Variants in LINGO1 observed in about 807,000 individuals in gnomAD.
The protein encoded by LINGO1 is leucine-rich repeat and immunoglobulin-like domain-containing nogo receptor-interacting protein 1.
LINGO1 carries 11 observed loss-of-function variants against 37.3 expected under a neutral mutation model. The ratio of observed to expected loss-of-function variants is 0.29; its 90% CI spans 0.19 to 0.49. The LOEUF (loss-of-function observed/expected upper bound fraction) is 0.49, where lower values mean the gene tolerates loss of function less well. LINGO1 is among the 20% of genes least tolerant of loss of function. The probability of loss-of-function intolerance (pLI) is 0.99; values close to 1 mark genes in which losing one functional copy is unlikely to be tolerated. For missense variants in LINGO1, 585 were observed against 878.2 expected, an observed-to-expected ratio of 0.67 and a Z score of 4.22; for synonymous variants, 387 against 403.0, an observed-to-expected ratio of 0.96 and a Z score of 0.48.
intron 2 of LINGO1, among the ~76,000 whole-genome samples, chr15:77,725,495 C>T (rs961598742): frequency 6.6e-6 from 1 of 152,106 alleles, no homozygotes; most frequent in Admixed American, 6.5e-5. Flanking sequence ...CCCTGGTGGT[C>T]GAGGCTGCAG....
At chr15:77,754,663 T>C (rs972509020) in intron 1 of LINGO1, among the ~76,000 whole-genome samples, 1 of 152,230 alleles carries the variant, frequency 6.6e-6, no homozygotes, top group Non-Finnish European at 1.5e-5. Flanking sequence ...GGTGGGGCTC[T>C]GAGAAGGAAG....
intron 3 of LINGO1, among the ~76,000 whole-genome samples, chr15:77,663,486 G>A (rs553456036): frequency 6.6e-6 from 1 of 152,298 alleles, no homozygotes; most frequent in East Asian, 1.9e-4. Context: ...TAGGGGACCC[G>A]TTTAACCACT....
intron 2 of LINGO1, among the ~76,000 whole-genome samples, chr15:77,682,384 G>A (rs777442546): frequency 2.6e-5 from 4 of 151,122 alleles, no homozygotes; most frequent in African/African-American, 4.9e-5. Context: ...ACGGGGCCAC[G>A]GTACAGTGGC....
chr15:77,789,999 T>C (rs1463909192), upstream of LINGO1, among the ~76,000 whole-genome samples: 1 of 152,100 alleles, frequency 6.6e-6, no homozygotes, highest in African/African-American at 2.4e-5. Flanking sequence ...CTCAAACTCC[T>C]GGGCTCAAGC....
chr15:77,726,505 G>C (rs11072667), intron 2 of LINGO1, among the ~76,000 whole-genome samples: 5,682 of 152,342 alleles, frequency 0.037, 379 homozygotes, highest in African/African-American at 0.13. Context: ...TGAGCTTGCA[G>C]TTGCTACGGC....
intron 1 of LINGO1, among the ~76,000 whole-genome samples, chr15:77,786,700 T>A (rs2076774683): frequency 6.6e-6 from 1 of 152,144 alleles, no homozygotes; most frequent in African/African-American, 2.4e-5. Flanking sequence ...TGGCAACTAC[T>A]GGGGCAGCCT....
intron 3 of LINGO1, among the ~76,000 whole-genome samples, chr15:77,645,608 G>C (rs2074608082): frequency 6.6e-6 from 1 of 152,250 alleles, no homozygotes; most frequent in African/African-American, 2.4e-5. Flanking sequence ...CCCTAGGCCA[G>C]TGGGTCTCTG....
intron 2 of LINGO1, among the ~76,000 whole-genome samples, chr15:77,724,495 C>G (rs1015407822): frequency 6.6e-6 from 1 of 152,210 alleles, no homozygotes; most frequent in Non-Finnish European, 1.5e-5. Context: ...TCTGTGTCCC[C>G]GTTGTTGAGA....
intron 3 of LINGO1, among the ~76,000 whole-genome samples, chr15:77,664,170 T>TGCGCGCGCGTGC (rs1555527606): frequency 2.3e-5 from 3 of 130,944 alleles, no homozygotes; most frequent in Non-Finnish European, 4.6e-5. Context: ...TGTGTGTGTG[T>TGCGCGCGCGTGC]GCGCGCGCGC....
At chr15:77,647,910 T>C in intron 3 of LINGO1, 1 of 456,660 alleles carries the variant, frequency 2.2e-6, no homozygotes, top group South Asian at 1.5e-5. Flanking sequence ...ACGTTGCACA[T>C]TCCCCTTCTC....
At chr15:77,716,404 G>A (rs558883431) in intron 2 of LINGO1, among the ~76,000 whole-genome samples, 1 of 146,630 alleles carries the variant, frequency 6.8e-6, no homozygotes, top group South Asian at 2.3e-4. Context: ...TCCAAGCCTC[G>A]CAAGTAGCTA....
intron 3 of LINGO1, among the ~76,000 whole-genome samples, chr15:77,655,738 C>T (rs763963509): frequency 1.3e-5 from 2 of 152,226 alleles, no homozygotes; most frequent in African/African-American, 2.4e-5. Flanking sequence ...ACACCCAGGT[C>T]TGTCTACCCC....
rs141129663 is a variant in LINGO1 at position 77,615,109 on chromosome 15, C to T, written c.798G>A (p.Thr266=). 3.1e-5 allele frequency: 50 copies of T among 1,613,972 alleles called. No homozygotes were observed. Among genetic ancestry groups the T allele is most frequent in the Middle Eastern group, 1.6e-4 (1 of 6,062 alleles). ...GATTGCAGTGTGTGATGGACAGGGA[C>T]GTCAGGTTGAGGCCGTAGAGGCAGT... The part of the protein sequence containing the change: ...TPNCLYGLNL[T]SLSITHCNLT... The change falls in exon 2 of 2, where the codon ACG becomes ACA. Residue 266 remains threonine (T), a synonymous_variant. Coordinates refer to ENST00000355300, the MANE Select transcript of LINGO1 (RefSeq NM_032808.7).
chr15:77,816,558 G>A (rs945686561), intron 1 of LINGO1, among the ~76,000 whole-genome samples: 2 of 152,312 alleles, frequency 1.3e-5, no homozygotes, highest in Middle Eastern at 3.4e-3. Flanking sequence ...GTCAGGTCTT[G>A]CCTGGGGAGG....
At chr15:77,734,491 TG>T (rs11301938) in intron 2 of LINGO1, among the ~76,000 whole-genome samples, 13,492 of 151,816 alleles carry the variant, frequency 0.089, 836 homozygotes, top group African/African-American at 0.17. Flanking sequence ...CAATAGTGTC[TG>T]AAAAATGCTT....
intron 1 of LINGO1, among the ~76,000 whole-genome samples, chr15:77,693,288 G>A (rs1043430579): frequency 4.6e-5 from 7 of 152,232 alleles, no homozygotes; most frequent in African/African-American, 1.4e-4. Context: ...CATGAGGACA[G>A]GGGATACCGA....
chr15:77,698,227 C>G (rs2075722289), upstream of LINGO1, among the ~76,000 whole-genome samples: 1 of 152,110 alleles, frequency 6.6e-6, no homozygotes, highest in Admixed American at 6.5e-5. Flanking sequence ...ACTGAGCATC[C>G]CCCACGCCTT....
At chr15:77,631,540 G>A (rs2074253627) in intron 1 of LINGO1, among the ~76,000 whole-genome samples, 1 of 152,152 alleles carries the variant, frequency 6.6e-6, no homozygotes, top group East Asian at 1.9e-4. Flanking sequence ...GGCATGCCTT[G>A]AGAGCAGAGA....
chr15:77,705,204 C>CACACACACACACACACACACACA (rs1332650126), intron 2 of LINGO1, among the ~76,000 whole-genome samples: 3 of 150,312 alleles, frequency 2.0e-5, no homozygotes, highest in African/African-American at 7.5e-5. Flanking sequence ...CACACACACA[C>CACACACACACACACACACACACA]ACCAGTCCAC....
Sources: allele counts gnomAD v4.1 joint callset (sites outside exome capture counted in the v4.1 genomes callset), GRCh38; gene constraint gnomAD v4.1.1; transcripts MANE v1.5; gene names NCBI Gene and HGNC (gene_info 2026-07-23, HGNC 2026-07-21).